Variants in MYO10 observed in about 807,000 individuals in gnomAD.
MYO10 encodes myosin X.
A neutral mutation model predicts 257.3 loss-of-function variants in MYO10; 133 were observed. That is an observed-to-expected ratio of 0.52 (90% CI 0.45 to 0.60). The LOEUF (loss-of-function observed/expected upper bound fraction) is 0.60, where lower values mean the gene tolerates loss of function less well. MYO10 is among the 20% of genes least tolerant of loss of function. The pLI, the probability that MYO10 is intolerant of heterozygous loss-of-function variation, is 0.00. For missense variants in MYO10, 2,399 were observed against 2,635.7 expected (o/e 0.91, Z 1.97); for synonymous variants, 1,104 against 1,028.6 (o/e 1.07, Z -1.40).
chr5:16,710,075 A>G (rs1738527950), intron 21 of MYO10, among the ~76,000 whole-genome samples: 1 of 152,160 alleles, frequency 6.6e-6, no homozygotes, highest in Non-Finnish European at 1.5e-5. Context: ...ACAGCATATT[A>G]TGAGTGGAAG....
At chr5:16,869,078 G>A (rs563426696) in intron 2 of MYO10, among the ~76,000 whole-genome samples, 2 of 152,194 alleles carry the variant, frequency 1.3e-5, no homozygotes, top group African/African-American at 4.8e-5. Flanking sequence ...AGCGTGGAGT[G>A]CAGTGGCGCC....
rs199986776 is a variant in MYO10, at chr5:16,783,472, G to A, written c.468-3C>T. On this transcript the variant is annotated splice_region_variant and splice_polypyrimidine_tract_variant and intron_variant, in intron 4 of 40. Transcript: ENST00000513610. Reference sequence around the variant, plus strand: ...TTTTACCTGCCCCACTTTCACCACTGAAAGACAAAACGGAAAAGTTTGTGC... The same window carrying A: ...TTTTACCTGCCCCACTTTCACCACTAAAAGACAAAACGGAAAAGTTTGTGC... 1.8e-3 allele frequency: 2,876 copies of A among 1,606,222 alleles called. No individual in the cohort carries two copies. Among genetic ancestry groups the A allele is most frequent in the Non-Finnish European group, 2.2e-3 (2,628 of 1,177,542 alleles).
At chr5:16,732,319 A>C (rs1739615959) in intron 19 of MYO10, among the ~76,000 whole-genome samples, 1 of 152,174 alleles carries the variant, frequency 6.6e-6, no homozygotes, top group Non-Finnish European at 1.5e-5. Flanking sequence ...AGACAACAGA[A>C]GGTTCAACCC....
At chr5:16,904,223 G>A (rs899071349) in intron 1 of MYO10, among the ~76,000 whole-genome samples, 3 of 152,148 alleles carry the variant, frequency 2.0e-5, no homozygotes, top group African/African-American at 7.2e-5. Context: ...CCTAGGGAGA[G>A]CACAGAAGCT....
At chr5:16,909,603 C>G (rs897667162) in intron 1 of MYO10, among the ~76,000 whole-genome samples, 1 of 151,824 alleles carries the variant, frequency 6.6e-6, no homozygotes, top group South Asian at 2.1e-4. Flanking sequence ...GATTCAATTA[C>G]CTTCCACTGG....
chr5:16,812,929 T>TATTTA (rs201595115), intron 3 of MYO10, among the ~76,000 whole-genome samples: 3 of 142,484 alleles, frequency 2.1e-5, no homozygotes, highest in Non-Finnish European at 3.0e-5. Flanking sequence ...TGCTTTTATT[T>TATTTA]TTTTTTTTTT....
In MYO10 at chr5:16,701,891, C is replaced by G; in HGVS notation, c.2557-53G>C. On this transcript the variant is annotated intron_variant, in intron 24 of 40. Transcript: ENST00000513610. The surrounding 1 kb of genome is among the most constrained non-coding windows in gnomAD (Gnocchi z 8.1). ...GAAGGCTTCAGTACAAAAGTCCAAG[C>G]ATAGCTCCCGCTTTGCAACCAGGAT... 6.5e-7 allele frequency: 1 copy of G among 1,530,082 alleles called. No individual in the cohort carries two copies. The highest frequency in any genetic ancestry group is 8.7e-7 in the Non-Finnish European group (1 of 1,144,710). 94.8% of individuals were successfully genotyped at this position (1,530,082 alleles called of 1,614,324 possible).
At chr5:16,760,352 T>C (rs2126648369) in intron 17 of MYO10, among the ~76,000 whole-genome samples, 1 of 148,586 alleles carries the variant, frequency 6.7e-6, no homozygotes, top group South Asian at 2.1e-4. Context: ...TCCCAGCTAC[T>C]CGGGAGGCTG....
At chr5:16,734,237 C>T (rs1373722799) in intron 19 of MYO10, among the ~76,000 whole-genome samples, 3 of 152,154 alleles carry the variant, frequency 2.0e-5, no homozygotes, top group African/African-American at 7.2e-5. Context: ...CATCCACTTC[C>T]TTCAGCGATC....
In MYO10 at chr5:16,679,998, G is replaced by A; in HGVS notation, c.4491C>T (p.Asp1497=). 6.2e-7 allele frequency: 1 copy of A among 1,613,916 alleles called. No homozygotes were observed. The highest frequency in any genetic ancestry group is 8.5e-7 in the Non-Finnish European group (1 of 1,179,842). Residue 1497 remains aspartate, a synonymous_variant, in exon 33 of 41, where the codon GAC becomes GAT. Transcript: ENST00000513610. ...TGGGGGTGTCGATCGGGGCCTTGGTGTCAGTCACGTTTTGAATGGCACTGG... is the reference window on the plus strand; with the variant it reads ...TGGGGGTGTCGATCGGGGCCTTGGTATCAGTCACGTTTTGAATGGCACTGG... ...RWSSAIQNVT[D]TKAPIDTPTQ...
At chr5:16,690,127 CA>C (rs887923321) in intron 27 of MYO10, among the ~76,000 whole-genome samples, 75 of 152,002 alleles carry the variant, frequency 4.9e-4, no homozygotes, top group African/African-American at 1.8e-3. Flanking sequence ...AATAAAAATC[CA>C]ATTTAAAAAA....
rs530751481 is a variant in MYO10, at chr5:16,687,330, A to AC, written c.3897-1500dup. ...AGCAAAACTCTGCCTCACAAAAAAA[A>AC]CAAATACAAAACGAAACAAAACATG... On this transcript the variant is annotated intron_variant, in intron 28 of 40. Coordinates refer to ENST00000513610, the MANE Select transcript of MYO10 (RefSeq NM_012334.3). Among the ~76,000 whole-genome samples, 9 of 151,854 alleles carry AC rather than the reference A, an allele frequency of 5.9e-5. No individual in the cohort carries two copies. The South Asian group carries it at 1.9e-3, about 32-fold the overall frequency.
chr5:16,711,954 T>C (rs1420578170), intron 19 of MYO10, among the ~76,000 whole-genome samples: 1 of 152,182 alleles, frequency 6.6e-6, no homozygotes, highest in Non-Finnish European at 1.5e-5. Context: ...ATCATAAATG[T>C]ACCACCACTT....
At chr5:16,752,873 AT>A (rs1161195902) in intron 19 of MYO10, among the ~76,000 whole-genome samples, 7 of 152,154 alleles carry the variant, frequency 4.6e-5, no homozygotes, top group Non-Finnish European at 1.0e-4. Flanking sequence ...AAAGCTATGC[AT>A]TTTTTTATGT....
At chr5:16,789,167 T>C (rs542797337) in intron 4 of MYO10, among the ~76,000 whole-genome samples, 2 of 152,212 alleles carry the variant, frequency 1.3e-5, no homozygotes, top group Admixed American at 1.3e-4. Flanking sequence ...TAAAGTTTTA[T>C]TGGAACACAG....
rs201611929 is a variant in MYO10, at chr5:16,753,785, A to G, written c.1929+1043T>C. Among the ~76,000 whole-genome samples, 8 of 152,162 alleles carry G rather than the reference A, an allele frequency of 5.3e-5. No homozygotes were observed. The East Asian group carries it at 1.5e-3, about 29-fold the overall frequency. On this transcript the variant is annotated intron_variant, in intron 19 of 40. Coordinates refer to ENST00000513610, the MANE Select transcript of MYO10 (RefSeq NM_012334.3). Reference sequence around the variant, plus strand: ...CATGCCCGGCTACTGTGGTTCTTATAAGCATACATCTTTAAACTATAAATG... The same window carrying G: ...CATGCCCGGCTACTGTGGTTCTTATGAGCATACATCTTTAAACTATAAATG...
intron 37 of MYO10, 88 bp from the exon 38 acceptor site, chr5:16,671,630 T>G: frequency 6.7e-7 from 1 of 1,499,892 alleles, no homozygotes; most frequent in South Asian, 1.2e-5. Flanking sequence ...TGGTGTATTC[T>G]AAGGACACAG....
intron 19 of MYO10, among the ~76,000 whole-genome samples, chr5:16,726,893 C>A (rs1030431006): frequency 8.5e-5 from 13 of 152,178 alleles, no homozygotes; most frequent in Non-Finnish European, 1.6e-4. Context: ...TGGAACACAG[C>A]CACACATTGT....
intron 1 of MYO10, among the ~76,000 whole-genome samples, chr5:16,921,102 A>G (rs1366454109): frequency 6.7e-6 from 1 of 149,268 alleles, no homozygotes; most frequent in Admixed American, 6.7e-5. Flanking sequence ...TAGGTGACAG[A>G]GCGATACTCC....
Sources: allele counts gnomAD v4.1 joint callset (sites outside exome capture counted in the v4.1 genomes callset), GRCh38; gene constraint gnomAD v4.1.1; non-coding constraint Gnocchi (gnomAD v3.1); transcripts MANE v1.5; gene names NCBI Gene and HGNC (gene_info 2026-07-23, HGNC 2026-07-21).